Variants in TGFBR3 observed in about 807,000 individuals in gnomAD.
TGFBR3 encodes the protein transforming growth factor beta receptor type 3.
Under a neutral mutation model 87.9 loss-of-function variants are expected in TGFBR3, and 46 were observed. That is an observed-to-expected ratio of 0.52 (90% CI 0.41 to 0.67). The LOEUF is 0.67. Among genes scored for constraint, TGFBR3 ranks in the 30% least tolerant of loss-of-function variants. The pLI is 0.00. For synonymous variants in TGFBR3, 381 were observed against 391.6 expected (o/e 0.97, Z 0.32); for missense variants, 866 against 1,041.9 (o/e 0.83, Z 2.32).
At chr1:91,778,586 A>C (rs1571500791) in intron 3 of TGFBR3, among the ~76,000 whole-genome samples, 1 of 152,332 alleles carries the variant, frequency 6.6e-6, no homozygotes, top group East Asian at 1.9e-4. Context: ...AAATATAATT[A>C]ATGAGAAACT....
At chr1:91,895,600 T>C (rs1182970512) in intron 2 of TGFBR3, among the ~76,000 whole-genome samples, 1 of 152,148 alleles carries the variant, frequency 6.6e-6, no homozygotes, top group East Asian at 1.9e-4. Context: ...GGGATTAAAG[T>C]GTGAGCCACC....
chr1:91,836,739 T>C (rs3103332), intron 2 of TGFBR3, among the ~76,000 whole-genome samples: 17,719 of 152,182 alleles, frequency 0.12, 1,304 homozygotes, highest in East Asian at 0.38. Flanking sequence ...TTCCAAATCT[T>C]ATTTCCAAGC....
chr1:91,863,403 T>C (rs536960169), intron 1 of TGFBR3, among the ~76,000 whole-genome samples: 1 of 152,342 alleles, frequency 6.6e-6, no homozygotes, highest in South Asian at 2.1e-4. Context: ...CTTACTCTTC[T>C]TGAATGAACA....
intron 14 of TGFBR3, among the ~76,000 whole-genome samples, chr1:91,703,296 C>A (rs936364574): frequency 4.6e-5 from 7 of 152,148 alleles, no homozygotes; most frequent in Non-Finnish European, 8.8e-5. Context: ...CAACTTCCAA[C>A]TGACGTTCAC....
At chr1:91,768,476 AC>A (rs1674261216) in intron 3 of TGFBR3, among the ~76,000 whole-genome samples, 1 of 152,280 alleles carries the variant, frequency 6.6e-6, no homozygotes, top group East Asian at 1.9e-4. Context: ...CTGTGTCCCC[AC>A]CCAAATCTCA....
intron 2 of TGFBR3, among the ~76,000 whole-genome samples, chr1:91,851,643 A>T (rs1677741319): frequency 6.6e-6 from 1 of 152,276 alleles, no homozygotes; most frequent in Non-Finnish European, 1.5e-5. Context: ...AACCGTGTGC[A>T]AGGGTAAGCT....
intron 16 of TGFBR3, among the ~76,000 whole-genome samples, chr1:91,690,104 CTG>C (rs1671218395): frequency 2.0e-5 from 3 of 152,132 alleles, no homozygotes; most frequent in African/African-American, 7.2e-5. Flanking sequence ...GTGGGAAAAA[CTG>C]AGAAACAAGC....
intron 3 of TGFBR3, among the ~76,000 whole-genome samples, chr1:91,790,171 A>G (rs533928111): frequency 3.9e-5 from 6 of 152,346 alleles, no homozygotes; most frequent in African/African-American, 9.6e-5. Context: ...GACCACATAT[A>G]CAACGGTGGT....
intron 3 of TGFBR3, among the ~76,000 whole-genome samples, chr1:91,781,356 T>C (rs1674760463): frequency 6.6e-6 from 1 of 152,116 alleles, no homozygotes; most frequent in Non-Finnish European, 1.5e-5. Flanking sequence ...GAACAAAAAT[T>C]AGTAAATTCA....
chr1:91,767,747 G>A, intron 3 of TGFBR3, among the ~76,000 whole-genome samples: 1 of 75,246 alleles, frequency 1.3e-5, no homozygotes, highest in Admixed American at 1.3e-4. Context: ...AGAATGGGAA[G>A]CTGCTCTATA....
At chr1:91,850,207 G>A (rs1478485382) in intron 2 of TGFBR3, among the ~76,000 whole-genome samples, 1 of 151,972 alleles carries the variant, frequency 6.6e-6, no homozygotes, top group Non-Finnish European at 1.5e-5. Context: ...AATCTTAGGA[G>A]GTACTTAACG....
Position 91,758,669 on chromosome 1 carries a change from G to C in TGFBR3, c.328C>G (p.Leu110Val), listed in dbSNP as rs1201942886. ...VVFLLNSPHP[L>V]VWHLKTERLA... ...CTCTCTGTCTTCAGATGCCACACCA[G>C]GGGGTGTGGGGAGTTGAGCAGGAAC... Residue 110 changes from leucine (L) to valine (V), a missense_variant, in exon 4 of 17, where the codon CTG becomes GTG. Transcript: ENST00000212355. 2 of 1,613,804 alleles carry C rather than the reference G, an allele frequency of 1.2e-6. No individual in the cohort carries two copies. Among genetic ancestry groups the C allele is most frequent in the Non-Finnish European group, 1.7e-6 (2 of 1,179,710 alleles).
Position 91,708,319 on chromosome 1 carries a change from T to C in TGFBR3, c.2287+344A>G, listed in dbSNP as rs17884990. ...AGATCACAGAAAGATGAACTGTGGATTGTGTGCAATTCCCGGGACATGGGA... is the reference window on the plus strand; with the variant it reads ...AGATCACAGAAAGATGAACTGTGGACTGTGTGCAATTCCCGGGACATGGGA... On this transcript the variant is annotated intron_variant, in intron 14 of 16. Transcript: ENST00000212355. Among the ~76,000 whole-genome samples the C allele has an allele frequency of 3.3e-3, 502 of 152,250 alleles. 4 individuals carry two copies. The highest frequency in any genetic ancestry group is 0.011 in the African/African-American group (474 of 41,548).
chr1:91,760,776 A>T (rs1388955292), intron 3 of TGFBR3, among the ~76,000 whole-genome samples: 1 of 152,232 alleles, frequency 6.6e-6, no homozygotes, highest in African/African-American at 2.4e-5. Context: ...CTCACAGCAC[A>T]CTTTGGAGAT....
At chr1:91,748,279 C>T (rs1044152190) in intron 4 of TGFBR3, among the ~76,000 whole-genome samples, 5 of 152,090 alleles carry the variant, frequency 3.3e-5, no homozygotes, top group South Asian at 2.1e-4. Context: ...AGGTGGTCTC[C>T]TAGGTCAAAG....
chr1:91,902,342 G>A (rs1005181701), intron 1 of TGFBR3, among the ~76,000 whole-genome samples: 3 of 151,548 alleles, frequency 2.0e-5, no homozygotes, highest in African/African-American at 7.3e-5. Context: ...ACAGTGGCAT[G>A]ATCATAGCTC....
chr1:91,750,167 G>A (rs1673486031), intron 4 of TGFBR3, among the ~76,000 whole-genome samples: 1 of 152,344 alleles, frequency 6.6e-6, no homozygotes, highest in Non-Finnish European at 1.5e-5. Flanking sequence ...GTCTACACTT[G>A]CGTGAACCCT....
In TGFBR3 at chr1:91,681,824, C is replaced by T. The variant is rs975147355; in HGVS notation, c.*1915G>A. The T allele has an allele frequency of 4.6e-5, 21 of 453,282 alleles. No individual in the cohort carries two copies. The highest frequency in any genetic ancestry group is 1.2e-4 in the Admixed American group (5 of 42,472). The allele number at this position is 453,282 out of a possible 1,614,324, so 28.1% of individuals were successfully genotyped here. A position where few individuals can be genotyped will look rare whatever the true frequency, so the allele number is the denominator to read the frequency against. ...GAATATGCTGAAACAATACATTCCA[C>T]CGAAGGTTAGGCAAAGCGCAATATT... On this transcript the variant is annotated 3_prime_UTR_variant, in exon 17 of 17. Coordinates refer to ENST00000212355, the MANE Select transcript of TGFBR3 (RefSeq NM_003243.5).
intron 3 of TGFBR3, among the ~76,000 whole-genome samples, chr1:91,767,020 T>C (rs891382152): frequency 7.5e-6 from 1 of 133,546 alleles, no homozygotes; most frequent in African/African-American, 2.8e-5. Context: ...ATTTGAGTTT[T>C]CCCCCAGTTC....
Sources: gnomAD v4.1 joint callset for allele counts (sites outside exome capture counted in the v4.1 genomes callset) on GRCh38, gnomAD v4.1.1 for gene constraint, MANE v1.5 for transcripts, NCBI Gene and HGNC (gene_info 2026-07-23, HGNC 2026-07-21) for gene names.